KCNQ3: variants seen among roughly 807,000 people sequenced by gnomAD.
The protein encoded by KCNQ3 is potassium voltage-gated channel subfamily KQT member 3.
In KCNQ3, 30 loss-of-function variants were observed where a neutral mutation model predicts 92.5. The ratio of observed to expected loss-of-function variants is 0.32; its 90% CI spans 0.24 to 0.44. The LOEUF (loss-of-function observed/expected upper bound fraction) is 0.44, where lower values mean the gene tolerates loss of function less well. Among genes scored for constraint, KCNQ3 ranks in the 20% least tolerant of loss-of-function variants. KCNQ3 has a pLI of 1.00. For synonymous variants in KCNQ3, 450 were observed against 468.8 expected, an observed-to-expected ratio of 0.96 and a Z score of 0.52; for missense variants, 913 against 1,140.3, an observed-to-expected ratio of 0.80 and a Z score of 2.87.
intron 1 of KCNQ3, among the ~76,000 whole-genome samples, chr8:132,247,690 C>A (rs1459811759): frequency 1.3e-5 from 2 of 151,430 alleles, no homozygotes; most frequent in African/African-American, 4.9e-5. Flanking sequence ...CCCAGCTACT[C>A]GGGAGGCTGA....
At chr8:132,451,659 C>T (rs1416030706) in intron 1 of KCNQ3, among the ~76,000 whole-genome samples, 1 of 152,242 alleles carries the variant, frequency 6.6e-6, no homozygotes, top group Non-Finnish European at 1.5e-5. Flanking sequence ...AGAAAGGCGT[C>T]TATTCACACA....
chr8:132,361,719 C>G (rs1191436793), intron 1 of KCNQ3, among the ~76,000 whole-genome samples: 4 of 151,952 alleles, frequency 2.6e-5, no homozygotes, highest in African/African-American at 9.7e-5. Flanking sequence ...ATCAAAAGAA[C>G]AGAAAAACAA....
chr8:132,362,220 A>C (rs1361097361), intron 1 of KCNQ3, among the ~76,000 whole-genome samples: 4 of 152,216 alleles, frequency 2.6e-5, no homozygotes, highest in Non-Finnish European at 5.9e-5. Context: ...CCTGGAAAAA[A>C]TAAACATACT....
intron 1 of KCNQ3, among the ~76,000 whole-genome samples, chr8:132,398,297 GAT>G (rs1290095667): frequency 1.3e-5 from 2 of 151,936 alleles, no homozygotes; most frequent in East Asian, 3.8e-4. Context: ...TTTTCTGTGT[GAT>G]ATAGTCTCTT....
intron 9 of KCNQ3, among the ~76,000 whole-genome samples, chr8:132,161,349 C>T (rs1038955553): frequency 2.0e-5 from 3 of 152,250 alleles, no homozygotes; most frequent in Admixed American, 6.5e-5. Context: ...AATAAAGGGG[C>T]TGGGCCCGGT....
chr8:132,306,009 A>G (rs1333117549), intron 1 of KCNQ3, among the ~76,000 whole-genome samples: 4 of 152,214 alleles, frequency 2.6e-5, no homozygotes, highest in Middle Eastern at 6.8e-3. Context: ...GCATCTTCTT[A>G]GACACACGCA....
chr8:132,156,668 G>A (rs1825803907), intron 9 of KCNQ3, among the ~76,000 whole-genome samples: 1 of 152,186 alleles, frequency 6.6e-6, no homozygotes, highest in Non-Finnish European at 1.5e-5. Flanking sequence ...CCCACCATAT[G>A]CAACCTACCA....
At chr8:132,317,433 C>T (rs1280994458) in intron 1 of KCNQ3, among the ~76,000 whole-genome samples, 1 of 152,172 alleles carries the variant, frequency 6.6e-6, no homozygotes, top group African/African-American at 2.4e-5. Flanking sequence ...AAAACAAAGA[C>T]CACTAGCTCA....
chr8:132,447,507 G>A (rs1821714117), intron 1 of KCNQ3, among the ~76,000 whole-genome samples: 1 of 152,156 alleles, frequency 6.6e-6, no homozygotes, highest in Non-Finnish European at 1.5e-5. Flanking sequence ...ACAGGAGAAA[G>A]AAAAGTAATG....
rs568175184 is a variant in KCNQ3, at chr8:132,369,249, T to C, written c.386+110898A>G. Among the ~76,000 whole-genome samples, 80 of 152,326 alleles carry C rather than the reference T, an allele frequency of 5.3e-4. 1 individual carries two copies. The highest frequency in any genetic ancestry group is 1.9e-3 in the African/African-American group (80 of 41,560). ...GGGTTGTGTTTCTTAGGTTTCTGTA[T>C]ATGAAGCGACTTTTATCATTCCTTC... On this transcript the variant is annotated intron_variant, in intron 1 of 14. Coordinates refer to ENST00000388996, the MANE Select transcript of KCNQ3 (RefSeq NM_004519.4).
intron 1 of KCNQ3, among the ~76,000 whole-genome samples, chr8:132,202,977 T>TA (rs36074899): frequency 6.6e-5 from 10 of 152,010 alleles, no homozygotes; most frequent in South Asian, 2.1e-4. Flanking sequence ...CAATTTATTT[T>TA]AAAAAAAATT....
intron 1 of KCNQ3, among the ~76,000 whole-genome samples, chr8:132,324,212 G>T (rs1190274094): frequency 6.6e-6 from 1 of 152,056 alleles, no homozygotes; most frequent in African/African-American, 2.4e-5. Flanking sequence ...CCGTCAGCAT[G>T]GTCAGTTCAC....
rs1402502420 is a variant in KCNQ3 at position 132,121,841 on chromosome 8, C to T, written c.*7421G>A. 6.6e-5 allele frequency: 10 copies of T among 152,188 alleles called. No individual in the cohort carries two copies. The highest frequency in any genetic ancestry group is 6.5e-4 in the Admixed American group (10 of 15,278). The allele number at this position is 152,188 out of a possible 1,614,324, so 9.4% of individuals were successfully genotyped here. A position where few individuals can be genotyped will look rare whatever the true frequency, so the allele number is the denominator to read the frequency against. The stretch of plus-strand genomic sequence containing the variant: ...ACAAGGGGCACTTGTGGATGATCTG[C>T]AGCCACACCAAGCCCCGAGAGCTAA... On this transcript the variant is annotated 3_prime_UTR_variant, in exon 15 of 15. Transcript: ENST00000388996.
At chr8:132,350,235 T>G (rs552119888) in intron 1 of KCNQ3, among the ~76,000 whole-genome samples, 18 of 152,214 alleles carry the variant, frequency 1.2e-4, no homozygotes, top group Non-Finnish European at 2.2e-4. Context: ...ATCACCCCAT[T>G]GCAAACAAGT....
At chr8:132,130,376 C>T (rs575715081) in intron 14 of KCNQ3, among the ~76,000 whole-genome samples, 5 of 152,218 alleles carry the variant, frequency 3.3e-5, no homozygotes, top group African/African-American at 7.2e-5. Flanking sequence ...CGCGCCTGAC[C>T]GGAAGGAAAT....
intron 1 of KCNQ3, among the ~76,000 whole-genome samples, chr8:132,461,995 T>A (rs1292412214): frequency 6.6e-6 from 1 of 152,124 alleles, no homozygotes; most frequent in African/African-American, 2.4e-5. Context: ...TAACCATGTC[T>A]TTTACCCATT....
chr8:132,359,656 G>A (rs1388783098), intron 1 of KCNQ3, among the ~76,000 whole-genome samples: 1 of 152,198 alleles, frequency 6.6e-6, no homozygotes, highest in Non-Finnish European at 1.5e-5. Context: ...AGTTCAGTTA[G>A]TGCTTCCTAA....
intron 9 of KCNQ3, among the ~76,000 whole-genome samples, chr8:132,162,218 C>A (rs1826013236): frequency 6.6e-6 from 1 of 152,176 alleles, no homozygotes; most frequent in Non-Finnish European, 1.5e-5. Flanking sequence ...GAATCCAGGG[C>A]ACAGTGATAT....
At chr8:132,268,315 C>A (rs1264856803) in intron 1 of KCNQ3, among the ~76,000 whole-genome samples, 1 of 152,130 alleles carries the variant, frequency 6.6e-6, no homozygotes, top group East Asian at 1.9e-4. Context: ...CTCAGTTGGT[C>A]ACCCAGCAGC....
Sources: allele counts gnomAD v4.1 joint callset (sites outside exome capture counted in the v4.1 genomes callset), GRCh38; gene constraint gnomAD v4.1.1; transcripts MANE v1.5; gene names NCBI Gene and HGNC (gene_info 2026-07-23, HGNC 2026-07-21).